The following KIF9 variants were observed in gnomAD, a reference collection of about 807,000 sequenced individuals.
KIF9 encodes the protein kinesin-like protein KIF9.
A neutral mutation model predicts 94.8 loss-of-function variants in KIF9; 68 were observed. The observed-to-expected ratio is 0.72, with a 90% CI of 0.59 to 0.88. The LOEUF (loss-of-function observed/expected upper bound fraction) is 0.88, where lower values mean the gene tolerates loss of function less well. KIF9 is among the 40% of genes least tolerant of loss of function. The pLI is 0.00. For synonymous variants in KIF9, 343 were observed against 362.1 expected, an observed-to-expected ratio of 0.95 and a Z score of 0.60; for missense variants, 882 against 982.5, an observed-to-expected ratio of 0.90 and a Z score of 1.37.
chr3:47,247,585 T>C (rs1700008695), intron 11 of KIF9, 108 bp from the exon 12 acceptor site: 3 of 847,300 alleles, frequency 3.5e-6, no homozygotes, highest in Non-Finnish European at 6.0e-6. Context: ...GCACAGGCCC[T>C]GGCTGCCCAA....
intron 10 of KIF9, among the ~76,000 whole-genome samples, chr3:47,255,813 G>A (rs1461734840): frequency 3.3e-5 from 5 of 152,012 alleles, no homozygotes; most frequent in South Asian, 4.2e-4. Context: ...ATGCCGAGCC[G>A]AAGCTGGACT....
At chr3:47,279,616 TA>T (rs1702197207) in intron 1 of KIF9, among the ~76,000 whole-genome samples, 2 of 151,902 alleles carry the variant, frequency 1.3e-5, no homozygotes, top group Admixed American at 6.6e-5. Flanking sequence ...TATTTTATTT[TA>T]TTTTATTTTT....
Position 47,265,879 on chromosome 3 carries a change from T to C in KIF9, c.769-2A>G. On this transcript the variant is annotated splice_acceptor_variant, in intron 7 of 20. Coordinates refer to ENST00000684063, the MANE Select transcript of KIF9 (RefSeq NM_182902.4). LOFTEE classifies it high-confidence loss of function. ...TTCCTTCAGGACTTGGCCCTCAGAC[T>C]ACAAAGCAAAGGTCAGTTCCACTTT... The C allele has an allele frequency of 6.2e-7, 1 of 1,614,166 alleles. No homozygotes were observed. Among genetic ancestry groups the C allele is most frequent in the Non-Finnish European group, 8.5e-7 (1 of 1,180,018 alleles).
Position 47,244,919 on chromosome 3 carries a change from C to T in KIF9, c.1386G>A (p.Gly462=). 1 of 1,614,150 alleles carries T rather than the reference C, an allele frequency of 6.2e-7. No individual in the cohort carries two copies. Among genetic ancestry groups the T allele is most frequent in the East Asian group, 2.2e-5 (1 of 44,884 alleles). Residue 462 remains glycine, a synonymous_variant, in exon 15 of 21, where the codon GGG becomes GGA. Coordinates refer to ENST00000684063, the MANE Select transcript of KIF9 (RefSeq NM_182902.4). ...CTAGGTGGCCATCAACATCCACAAG[C>T]CCCGCCTACATAGAGAGGCCAGCCA... The part of the protein sequence containing the change: ...FAAISAIQKA[G]LVDVDGHLVG...
intron 8 of KIF9, among the ~76,000 whole-genome samples, chr3:47,265,381 G>A (rs1284980350): frequency 1.3e-5 from 2 of 152,158 alleles, no homozygotes; most frequent in Admixed American, 6.5e-5. Context: ...CTCTGTACAG[G>A]AGGCTGCAGG....
At position 47,264,221 on chromosome 3, in the gene KIF9, C is replaced by T. The variant is rs912614589; in HGVS notation, c.981+65G>A. On this transcript the variant is annotated intron_variant, in intron 9 of 20. Coordinates refer to ENST00000684063, the MANE Select transcript of KIF9 (RefSeq NM_182902.4). ...TGTGCCAGGGTAGCCAGCCTGGAGC[C>T]TTACCCTGCCCTGGCACCCATGAAG... 1.6e-5 allele frequency: 20 copies of T among 1,278,070 alleles called. No homozygotes were observed. The African/African-American group carries it at 2.0e-4, about 13-fold the overall frequency. 79.2% of individuals were successfully genotyped at this position (1,278,070 alleles called of 1,614,324 possible). A position where few individuals can be genotyped will look rare whatever the true frequency, so the allele number is the denominator to read the frequency against.
intron 9 of KIF9, among the ~76,000 whole-genome samples, chr3:47,260,514 C>A (rs1700900072): frequency 6.6e-6 from 1 of 152,194 alleles, no homozygotes; most frequent in South Asian, 2.1e-4. Context: ...TAAGCTCATG[C>A]CAAGTTATGA....
chr3:47,275,814 TA>T (rs1342963880), intron 2 of KIF9, among the ~76,000 whole-genome samples: 1 of 152,228 alleles, frequency 6.6e-6, no homozygotes, highest in African/African-American at 2.4e-5. Context: ...AAGTTTTAGA[TA>T]GATTCCATAA....
intron 20 of KIF9, among the ~76,000 whole-genome samples, chr3:47,229,879 G>A (rs1294862362): frequency 2.6e-5 from 4 of 152,044 alleles, no homozygotes; most frequent in Admixed American, 6.5e-5. Context: ...GATTACACGT[G>A]TGCACCACCA....
At chr3:47,270,691 A>C (rs916638482) in intron 5 of KIF9, among the ~76,000 whole-genome samples, 1 of 152,202 alleles carries the variant, frequency 6.6e-6, no homozygotes, top group South Asian at 2.1e-4. Context: ...TTGTTGCCTT[A>C]TGTAAAAAAC....
chr3:47,262,641 C>A (rs556725029), intron 9 of KIF9, among the ~76,000 whole-genome samples: 1 of 152,150 alleles, frequency 6.6e-6, no homozygotes, highest in Non-Finnish European at 1.5e-5. Context: ...GCTGCCTGCA[C>A]GTCAGCTGGA....
Position 47,230,732 on chromosome 3 carries a change from T to C in KIF9, c.2323-2030A>G, listed in dbSNP as rs909799403. The stretch of plus-strand genomic sequence containing the variant: ...GGTGACAGAGGAAGACTCCATCTTG[T>C]GGGGGAAAAAAAAAGAAGTTACCCA... On this transcript the variant is annotated intron_variant, in intron 20 of 20. Transcript: ENST00000684063. Among the ~76,000 whole-genome samples, 34 of 148,346 alleles carry C rather than the reference T, an allele frequency of 2.3e-4. 1 individual carries two copies. Among genetic ancestry groups the C allele is most frequent in the Admixed American group, 2.0e-3 (29 of 14,804 alleles).
chr3:47,240,477 A>G (rs1254032508), intron 17 of KIF9, among the ~76,000 whole-genome samples: 4 of 152,074 alleles, frequency 2.6e-5, no homozygotes, highest in Admixed American at 2.6e-4. Flanking sequence ...GTCACCAGCT[A>G]CCCATCTCCC....
chr3:47,235,468 T>C (rs918242936), intron 20 of KIF9, 45 bp downstream of exon 20: 1 of 1,319,710 alleles, frequency 7.6e-7, no homozygotes, highest in Non-Finnish European at 1.1e-6. Context: ...GGTTTCCTAG[T>C]CACTGAGGCC....
intron 11 of KIF9, 107 bp from the exon 12 acceptor site, chr3:47,247,584 C>T: frequency 1.2e-6 from 1 of 854,876 alleles, no homozygotes; most frequent in South Asian, 1.4e-5. Context: ...GGCACAGGCC[C>T]TGGCTGCCCA....
At chr3:47,256,017 C>T (rs1356616036) in intron 10 of KIF9, among the ~76,000 whole-genome samples, 1 of 152,250 alleles carries the variant, frequency 6.6e-6, no homozygotes, top group Non-Finnish European at 1.5e-5. Context: ...CAGCCCCGGC[C>T]TCCCGAGGTG....
intron 8 of KIF9, 116 bp from the exon 9 acceptor site, chr3:47,264,466 T>C: frequency 5.3e-6 from 4 of 752,308 alleles, no homozygotes; most frequent in South Asian, 4.3e-5. Flanking sequence ...AAACAGGGTC[T>C]CACTATGTCA....
At chr3:47,260,373 G>A (rs1173816766) in intron 9 of KIF9, among the ~76,000 whole-genome samples, 2 of 151,886 alleles carry the variant, frequency 1.3e-5, no homozygotes, top group African/African-American at 2.4e-5. Flanking sequence ...TCCATATGCT[G>A]AACGCTGGTT....
rs774182625 is a variant in KIF9, at chr3:47,267,225, G to C, written c.630C>G (p.Asn210Lys). The C allele has an allele frequency of 6.2e-7, 1 of 1,613,602 alleles. No homozygotes were observed. Among genetic ancestry groups the C allele is most frequent in the South Asian group, 1.1e-5 (1 of 91,072 alleles). ...TNRIIASHTM[N>K]KNSSRSHCIF... ...TGCAGTGTGATCTGGAAGAGTTTTT[G>C]TTCATAGTGTGGGAGGCTATAATCC... Residue 210 changes from asparagine (N) to lysine (K), a missense_variant, in exon 6 of 21, where the codon AAC becomes AAG. By Grantham distance (94) the Asn-to-Lys change is moderately conservative. Transcript: ENST00000684063.
Sources: allele counts gnomAD v4.1 joint callset (sites outside exome capture counted in the v4.1 genomes callset), GRCh38; gene constraint gnomAD v4.1.1; transcripts MANE v1.5; gene names NCBI Gene and HGNC (gene_info 2026-07-23, HGNC 2026-07-21).